Variants in HAPSTR1 observed in about 807,000 individuals in gnomAD.
HAPSTR1 encodes the protein HUWE1 associated protein modifying stress responses, also known as HUWE1-associated protein modifying stress responses 1.
the HAPSTR1 span, chr16:9,104,203 C>T: frequency 1.3e-5 from 2 of 151,386 alleles, no homozygotes; most frequent in East Asian, 1.9e-4. Context: ...CGACCTCTAC[C>T]TCTGGGTTCA....
chr16:9,092,081 C>T, the HAPSTR1 span: 1 of 1,540,256 alleles, frequency 6.5e-7, no homozygotes, highest in Non-Finnish European at 8.8e-7. Flanking sequence ...GGCCGAGATC[C>T]AGGAGCACGG....
the HAPSTR1 span, among the ~76,000 whole-genome samples, chr16:9,114,367 A>C: frequency 6.6e-6 from 1 of 152,126 alleles, no homozygotes; most frequent in Non-Finnish European, 1.5e-5. Context: ...GGAGAGTTTC[A>C]ATTTCAAGGA....
At chr16:9,095,849 C>T in the HAPSTR1 span, among the ~76,000 whole-genome samples, 1 of 151,682 alleles carries the variant, frequency 6.6e-6, no homozygotes, top group Non-Finnish European at 1.5e-5. Context: ...ACTTGTCTTC[C>T]CCTTTCCAAA....
At chr16:9,118,012 G>T in the HAPSTR1 span, 1 of 152,570 alleles carries the variant, frequency 6.6e-6, no homozygotes, top group African/African-American at 2.4e-5. Context: ...AGATGGAATC[G>T]CATGGAGATT....
the HAPSTR1 span, among the ~76,000 whole-genome samples, chr16:9,101,247 G>A: frequency 0.5 from 76,611 of 152,044 alleles, 21,071 homozygotes; most frequent in African/African-American, 0.73. Context: ...CTAAAGAGAT[G>A]GGAAAAGTGG....
the HAPSTR1 span, chr16:9,108,559 A>T: frequency 6.6e-6 from 1 of 152,052 alleles, no homozygotes; most frequent in Non-Finnish European, 1.5e-5. Context: ...CGTCGCCCCC[A>T]CTAAGACCTA....
chr16:9,092,653 C>T, the HAPSTR1 span, among the ~76,000 whole-genome samples: 2 of 152,116 alleles, frequency 1.3e-5, no homozygotes, highest in East Asian at 3.9e-4. Context: ...CGGGGACTGC[C>T]AGGGGGGGCG....
the HAPSTR1 span, chr16:9,117,234 T>C: frequency 7.9e-6 from 2 of 252,770 alleles, no homozygotes; most frequent in African/African-American, 2.3e-5. Context: ...AAAGGAAATA[T>C]CAGATGTTTA....
At chr16:9,094,194 C>T in the HAPSTR1 span, among the ~76,000 whole-genome samples, 1 of 151,904 alleles carries the variant, frequency 6.6e-6, no homozygotes, top group East Asian at 1.9e-4. Context: ...TGAAAAGAAA[C>T]GCTAACTTTA....
chr16:9,116,335 C>G, the HAPSTR1 span, among the ~76,000 whole-genome samples: 1 of 152,158 alleles, frequency 6.6e-6, no homozygotes, highest in African/African-American at 2.4e-5. Context: ...GCAAATGTCT[C>G]CTGTCCTTAT....
the HAPSTR1 span, chr16:9,107,900 A>C: frequency 6.6e-6 from 1 of 152,080 alleles, no homozygotes; most frequent in Non-Finnish European, 1.5e-5. Context: ...AACATAGCAA[A>C]GAACCTGACA....
the HAPSTR1 span, among the ~76,000 whole-genome samples, chr16:9,115,338 A>G: frequency 6.6e-6 from 1 of 152,200 alleles, no homozygotes; most frequent in Non-Finnish European, 1.5e-5. Context: ...AAAATCTTAT[A>G]AGTCCTATTC....
chr16:9,091,942 C>T, the HAPSTR1 span: 1 of 1,034,544 alleles, frequency 9.7e-7, no homozygotes, highest in South Asian at 2.5e-5. Flanking sequence ...CCGTCGGTCG[C>T]CAGGCCCTGC....
the HAPSTR1 span, chr16:9,120,019 A>T: frequency 6.6e-6 from 1 of 152,210 alleles, no homozygotes; most frequent in African/African-American, 2.4e-5. Flanking sequence ...GAACAGAATG[A>T]TTGAGTTTTT....
chr16:9,092,647 G>C, the HAPSTR1 span, among the ~76,000 whole-genome samples: 14 of 150,398 alleles, frequency 9.3e-5, no homozygotes, highest in Middle Eastern at 6.9e-3. Context: ...TCGGGGCGGG[G>C]ACTGCCAGGG....
chr16:9,116,958 A>G, the HAPSTR1 span: 1 of 1,605,040 alleles, frequency 6.2e-7, no homozygotes, highest in Non-Finnish European at 8.5e-7. Flanking sequence ...AAGCCACTTG[A>G]TCCTCAACAT....
chr16:9,106,530 C>G, the HAPSTR1 span: 2 of 151,846 alleles, frequency 1.3e-5, no homozygotes, highest in Non-Finnish European at 2.9e-5. Flanking sequence ...TCTGCCTTAG[C>G]CTCACTGCTT....
chr16:9,092,749 C>G, the HAPSTR1 span, among the ~76,000 whole-genome samples: 1 of 152,198 alleles, frequency 6.6e-6, no homozygotes. Flanking sequence ...CCTGCCCCCC[C>G]GGTCCTCACA....
chr16:9,096,377 G>T, the HAPSTR1 span, among the ~76,000 whole-genome samples: 167 of 149,342 alleles, frequency 1.1e-3, no homozygotes, highest in African/African-American at 3.9e-3. Context: ...AAACTCTGGT[G>T]TGTATTTCCT....
Sources: gnomAD v4.1 joint callset for allele counts (sites outside exome capture counted in the v4.1 genomes callset) on GRCh38, gnomAD v4.1.1 for gene constraint, MANE v1.5 for transcripts, NCBI Gene and HGNC (gene_info 2026-07-23, HGNC 2026-07-21) for gene names.